FOXJ2: variants seen among roughly 807,000 people sequenced by gnomAD.
FOXJ2 encodes forkhead box J2, also known as forkhead box protein J2.
FOXJ2 carries 18 observed loss-of-function variants against 68.4 expected under a neutral mutation model. That is an observed-to-expected ratio of 0.26 (90% CI 0.18 to 0.39). The LOEUF (loss-of-function observed/expected upper bound fraction) is 0.39, where lower values mean the gene tolerates loss of function less well. FOXJ2 is among the 10% of genes least tolerant of loss of function. The probability of loss-of-function intolerance (pLI) is 1.00; values close to 1 mark genes in which losing one functional copy is unlikely to be tolerated. For missense variants in FOXJ2, 670 were observed against 726.5 expected, an observed-to-expected ratio of 0.92 and a Z score of 0.89; for synonymous variants, 274 against 263.2, an observed-to-expected ratio of 1.04 and a Z score of -0.40.
chr12:8,047,208 T>G (rs763799829), intron 6 of FOXJ2, among the ~76,000 whole-genome samples: 28 of 151,968 alleles, frequency 1.8e-4, no homozygotes, highest in Non-Finnish European at 3.1e-4. Flanking sequence ...ATCCCAGCAC[T>G]TTGGAAGGCC....
At chr12:8,046,077 G>C (rs2121341996) in intron 6 of FOXJ2, among the ~76,000 whole-genome samples, 1 of 152,314 alleles carries the variant, frequency 6.6e-6, no homozygotes, top group East Asian at 1.9e-4. Context: ...AGCTGTTTCA[G>C]GAGGCAAGCT....
chr12:8,042,628 C>T (rs1263706788), intron 2 of FOXJ2, 30 bp from the exon 3 acceptor site: 3 of 1,595,712 alleles, frequency 1.9e-6, no homozygotes, highest in East Asian at 4.5e-5. Flanking sequence ...GCATAATGCT[C>T]AGGCCTAACT....
At position 8,044,921 on chromosome 12, in the gene FOXJ2, G is replaced by A; in HGVS notation, c.780G>A (p.Lys260=). The change falls in exon 6 of 11, where the codon AAG becomes AAA. Residue 260 remains lysine (K), a synonymous_variant. Coordinates refer to ENST00000162391, the MANE Select transcript of FOXJ2 (RefSeq NM_018416.3). ...GCTGGTCCTTCCGCAACCTCTATAA[G>A]TCCATGCTGGAGAAGTCCTCTTCCT... is the stretch of plus-strand genomic sequence containing the variant. ...DLSWSFRNLY[K]SMLEKSSSSS... is the part of the protein sequence containing the mutation. The A allele has an allele frequency of 1.2e-6, 2 of 1,614,232 alleles. No individual in the cohort carries two copies. The highest frequency in any genetic ancestry group is 1.7e-6 in the Non-Finnish European group (2 of 1,180,042).
At position 8,040,116 on chromosome 12, in the gene FOXJ2, G is replaced by A; in HGVS notation, c.284G>A (p.Trp95Ter). Residue 95 changes from tryptophan to a stop codon, truncating the protein, a stop_gained, in exon 2 of 11, where the codon TGG becomes TAG. Transcript: ENST00000162391. LOFTEE classifies it high-confidence loss of function. The surrounding 1 kb of genome is among the most constrained non-coding windows in gnomAD (Gnocchi z 4.0). ...ATGACCCTCAGCGAGATTTACCGCT[G>A]GATCTGTGATAACTTCCCCTATTAC... ...KKMTLSEIYR[W>*]ICDNFPYYKN... 1 of 1,614,168 alleles carries A rather than the reference G, an allele frequency of 6.2e-7. No homozygotes were observed. Among genetic ancestry groups the A allele is most frequent in the Non-Finnish European group, 8.5e-7 (1 of 1,180,042 alleles).
chr12:8,047,478 A>C (rs961900753), intron 6 of FOXJ2, among the ~76,000 whole-genome samples: 2 of 151,866 alleles, frequency 1.3e-5, no homozygotes, highest in Non-Finnish European at 2.9e-5. Flanking sequence ...GGAAGAGGAG[A>C]TAGTAGACAA....
intron 3 of FOXJ2, 41 bp from the exon 4 acceptor site, chr12:8,043,660 G>A: frequency 1.2e-6 from 2 of 1,606,762 alleles, no homozygotes; most frequent in Non-Finnish European, 8.5e-7. Flanking sequence ...GGTTCTGAAT[G>A]TAACAATTTT....
intron 9 of FOXJ2, 66 bp from the exon 10 acceptor site, chr12:8,050,456 C>A: frequency 1.3e-6 from 2 of 1,562,688 alleles, no homozygotes; most frequent in Non-Finnish European, 1.7e-6. Context: ...TTTTTTTCTT[C>A]CCTGCTTTGT....
chr12:8,047,136 T>A (rs1254736858), intron 6 of FOXJ2, among the ~76,000 whole-genome samples: 1 of 152,060 alleles, frequency 6.6e-6, no homozygotes, highest in Non-Finnish European at 1.5e-5. Context: ...GGTACAGGAA[T>A]GACTTGGCAG....
chr12:8,050,767 G>A, intron 10 of FOXJ2, 147 bp downstream of exon 10: 1 of 913,754 alleles, frequency 1.1e-6, no homozygotes, highest in Non-Finnish European at 1.7e-6. Flanking sequence ...TGGAGGATGG[G>A]TTACCTGCTA....
At chr12:8,051,040 C>T (rs1210486632) in intron 10 of FOXJ2, among the ~76,000 whole-genome samples, 2 of 131,358 alleles carry the variant, frequency 1.5e-5, no homozygotes, top group African/African-American at 5.8e-5. Context: ...CTTTCCTTCC[C>T]CTTCCCCTTC....
In FOXJ2 at chr12:8,043,984, A is replaced by C. The variant is rs1947002176; in HGVS notation, c.511A>C (p.Lys171Gln). 9 of 1,572,666 alleles carry C rather than the reference A, an allele frequency of 5.7e-6. No individual in the cohort carries two copies. The South Asian group carries it at 8.3e-5, about 14-fold the overall frequency. Reference sequence around the variant, plus strand: ...AGACTCACCAGAACAGGAGGCAAGCAAGAGCCCACGGGGAGGCGTTGCAGG... The same window carrying C: ...AGACTCACCAGAACAGGAGGCAAGCCAGAGCCCACGGGGAGGCGTTGCAGG... ...SQDSPEQEAS[K>Q]SPRGGVAGSG... The change falls in exon 5 of 11, where the codon AAG becomes CAG. Residue 171 changes from lysine to glutamine, a missense_variant. Lys to Gln is a moderately conservative substitution (Grantham distance 53). Transcript: ENST00000162391.
At position 8,053,155 on chromosome 12, in the gene FOXJ2, C is replaced by A. The variant is rs141695843; in HGVS notation, c.*305C>A. The A allele has an allele frequency of 0.019, 2,915 of 153,886 alleles. 31 individuals carry two copies. Among genetic ancestry groups the A allele is most frequent in the Non-Finnish European group, 0.029 (2,010 of 69,126 alleles). The allele number at this position is 153,886 out of a possible 1,614,324, so 9.5% of individuals were successfully genotyped here. On this transcript the variant is annotated 3_prime_UTR_variant, in exon 11 of 11. Transcript: ENST00000162391. This position sits in a 1 kb window ranked among gnomAD's most constrained non-coding sequence, Gnocchi z 4.1. ...TCCCTACATCATGGATCATGTCCAC[C>A]TTTTGCTAATTTAAAATCATCAGGC...
At position 8,054,940 on chromosome 12, in the gene FOXJ2, A is replaced by T. The variant is rs1376194892; in HGVS notation, c.*2090A>T. The T allele has an allele frequency of 6.6e-6, 1 of 152,222 alleles. No homozygotes were observed. The highest frequency in any genetic ancestry group is 2.4e-5 in the African/African-American group (1 of 41,460). 9.4% of individuals were successfully genotyped at this position (152,222 alleles called of 1,614,324 possible). ...AGGATTTGCAAGGGTAGGATCATACATGCAAATGCCCCTTGTTCATCTGTG... is the reference window on the plus strand; with the variant it reads ...AGGATTTGCAAGGGTAGGATCATACTTGCAAATGCCCCTTGTTCATCTGTG... On this transcript the variant is annotated 3_prime_UTR_variant, in exon 11 of 11. Transcript: ENST00000162391.
At chr12:8,046,252 T>C (rs903521304) in intron 6 of FOXJ2, among the ~76,000 whole-genome samples, 1 of 152,216 alleles carries the variant, frequency 6.6e-6, no homozygotes, top group Non-Finnish European at 1.5e-5. Flanking sequence ...AGTTTCTTTT[T>C]AGTGTATTTA....
chr12:8,048,700 T>G lies in FOXJ2; in HGVS notation c.1229T>G (p.Phe410Cys). 6.2e-7 allele frequency: 1 copy of G among 1,614,008 alleles called. No homozygotes were observed. Among genetic ancestry groups the G allele is most frequent in the Non-Finnish European group, 8.5e-7 (1 of 1,179,878 alleles). ...CACTTTCCCCTCCTCTTTACAGCCTTTCCTTCTGACTGGTGCTCTAATATT... is the reference window on the plus strand; with the variant it reads ...CACTTTCCCCTCCTCTTTACAGCCTGTCCTTCTGACTGGTGCTCTAATATT... ...QAPINNTGFA[F>C]PSDWCSNIDS... Residue 410 changes from phenylalanine (F) to cysteine (C), a missense_variant, in exon 8 of 11, where the codon TTT becomes TGT. Physicochemically the swap from Phe to Cys is radical, Grantham distance 205. Coordinates refer to ENST00000162391, the MANE Select transcript of FOXJ2 (RefSeq NM_018416.3).
chr12:8,037,898 T>G (rs948892330), intron 1 of FOXJ2, among the ~76,000 whole-genome samples: 4 of 152,172 alleles, frequency 2.6e-5, no homozygotes, highest in African/African-American at 9.7e-5. Flanking sequence ...CTGGAATGAT[T>G]AAGTGTTCCT....
intron 5 of FOXJ2, 145 bp downstream of exon 5, chr12:8,044,236 A>G (rs1258459185): frequency 8.5e-6 from 8 of 943,010 alleles, no homozygotes; most frequent in Non-Finnish European, 1.1e-5. Context: ...AGAGGGAAAT[A>G]GAGAGAGAGA....
Position 8,038,788 on chromosome 12 carries a change from C to T in FOXJ2, c.-14-1031C>T, listed in dbSNP as rs147159738. ...GGCAGCAGGGCGTGCAAGCATCAGGCGTAGGCGGTCTGGCAGCTCCAGGAG... is the reference window on the plus strand; with the variant it reads ...GGCAGCAGGGCGTGCAAGCATCAGGTGTAGGCGGTCTGGCAGCTCCAGGAG... On this transcript the variant is annotated intron_variant, in intron 1 of 10. Coordinates refer to ENST00000162391, the MANE Select transcript of FOXJ2 (RefSeq NM_018416.3). The surrounding 1 kb of genome is among the most constrained non-coding windows in gnomAD (Gnocchi z 5.3). 7.2e-4 allele frequency among the ~76,000 whole-genome samples: 110 copies of T among 152,318 alleles called. 1 individual carries two copies. Among genetic ancestry groups the T allele is most frequent in the East Asian group, 1.4e-3 (7 of 5,184 alleles).
chr12:8,045,815 G>A (rs773577409), intron 6 of FOXJ2, among the ~76,000 whole-genome samples: 1 of 151,378 alleles, frequency 6.6e-6, no homozygotes, highest in Admixed American at 6.6e-5. Context: ...CCGCCACCAC[G>A]CCTGGCTAAT....
Sources: gnomAD v4.1 joint callset for allele counts (sites outside exome capture counted in the v4.1 genomes callset) on GRCh38, gnomAD v4.1.1 for gene constraint, Gnocchi (gnomAD v3.1) non-coding constraint, MANE v1.5 for transcripts, NCBI Gene and HGNC (gene_info 2026-07-23, HGNC 2026-07-21) for gene names.